WBP4: variants seen among roughly 807,000 people sequenced by gnomAD.
WBP4 encodes WW domain-binding protein 4.
In WBP4, 37 loss-of-function variants were observed where a neutral mutation model predicts 55.4. The ratio of observed to expected loss-of-function variants is 0.67; its 90% CI spans 0.51 to 0.88. WBP4 has a LOEUF of 0.88. WBP4 is among the 40% of genes least tolerant of loss of function. The pLI is 0.00. For synonymous variants in WBP4, 142 were observed against 140.2 expected, an observed-to-expected ratio of 1.01 and a Z score of -0.09; for missense variants, 398 against 420.8, an observed-to-expected ratio of 0.95 and a Z score of 0.47.
intron 8 of WBP4, among the ~76,000 whole-genome samples, chr13:41,077,915 T>G (rs1878575738): frequency 6.7e-6 from 1 of 148,738 alleles, no homozygotes; most frequent in African/African-American, 2.5e-5. Flanking sequence ...AAAAAAAAAA[T>G]CTCGGAATAC....
chr13:41,062,838 C>G (rs1566207227), intron 2 of WBP4, 122 bp downstream of exon 2: 1 of 737,712 alleles, frequency 1.4e-6, no homozygotes, highest in African/African-American at 1.8e-5. Flanking sequence ...TTCAAAACAT[C>G]AGAAGATTTC....
intron 8 of WBP4, among the ~76,000 whole-genome samples, chr13:41,079,075 A>G (rs1354926530): frequency 6.6e-6 from 1 of 152,234 alleles, no homozygotes; most frequent in Non-Finnish European, 1.5e-5. Context: ...CACAGGACTA[A>G]TATCCAGAAT....
At chr13:41,077,589 C>T (rs1878558074) in intron 8 of WBP4, among the ~76,000 whole-genome samples, 1 of 152,122 alleles carries the variant, frequency 6.6e-6, no homozygotes, top group Admixed American at 6.5e-5. Context: ...CAAGGATGCT[C>T]ACTTCAACCA....
At chr13:41,066,323 G>A (rs1260080833) in intron 4 of WBP4, among the ~76,000 whole-genome samples, 1 of 151,924 alleles carries the variant, frequency 6.6e-6, no homozygotes, top group Non-Finnish European at 1.5e-5. Flanking sequence ...TTCCAAATAG[G>A]ATACATATTC....
chr13:41,065,276 G>A lies in WBP4; in HGVS notation c.251G>A (p.Gly84Asp). The A allele has an allele frequency of 6.6e-7, 1 of 1,519,922 alleles. No individual in the cohort carries two copies. Among genetic ancestry groups the A allele is most frequent in the Non-Finnish European group, 8.9e-7 (1 of 1,126,936 alleles). 94.2% of individuals were successfully genotyped at this position (1,519,922 alleles called of 1,614,324 possible). ...KAYQEDLKRL[G>D]LESEILEPSI... ...TACCAAGAGGATTTGAAAAGACTTG[G>A]CTTAGAGTCAGGTAAAAAAAAAAAA... Residue 84 changes from glycine (G) to aspartate (D), a missense_variant, in exon 4 of 10, where the codon GGC (glycine) becomes GAC (aspartate). Coordinates refer to ENST00000379487, the MANE Select transcript of WBP4 (RefSeq NM_007187.5).
At chr13:41,066,079 C>T (rs1044221763) in intron 4 of WBP4, among the ~76,000 whole-genome samples, 1 of 152,104 alleles carries the variant, frequency 6.6e-6, no homozygotes, top group Non-Finnish European at 1.5e-5. Flanking sequence ...TTATCCTGGA[C>T]ATTGGTAATT....
intron 7 of WBP4, among the ~76,000 whole-genome samples, chr13:41,073,592 A>G (rs1878347222): frequency 6.6e-6 from 1 of 151,904 alleles, no homozygotes. Context: ...AGGCGGGCAG[A>G]TCATCTGAGG....
At chr13:41,068,159 T>G (rs1379543430) in intron 4 of WBP4, among the ~76,000 whole-genome samples, 3 of 152,168 alleles carry the variant, frequency 2.0e-5, no homozygotes, top group Non-Finnish European at 2.9e-5. Context: ...TAGTGAACGT[T>G]GTACCCAGTA....
chr13:41,082,676 TAGAG>T, intron 9 of WBP4, 24 bp from the exon 10 acceptor site: 1 of 1,609,000 alleles, frequency 6.2e-7, no homozygotes, highest in Non-Finnish European at 8.5e-7. Context: ...CCCTGTCAAA[TAGAG>T]TTTTACTTTA....
At chr13:41,076,630 A>G (rs866232611) in intron 8 of WBP4, among the ~76,000 whole-genome samples, 1 of 152,184 alleles carries the variant, frequency 6.6e-6, no homozygotes, top group Non-Finnish European at 1.5e-5. Context: ...CTGATAGAAC[A>G]TAGAAATTAA....
chr13:41,066,104 T>G (rs1225006709), intron 4 of WBP4, among the ~76,000 whole-genome samples: 1 of 152,176 alleles, frequency 6.6e-6, no homozygotes, highest in East Asian at 1.9e-4. Context: ...GGTGGGAAAG[T>G]TGTTTGGTTC....
intron 7 of WBP4, among the ~76,000 whole-genome samples, chr13:41,075,361 C>T (rs1878434045): frequency 6.6e-6 from 1 of 152,086 alleles, no homozygotes; most frequent in Admixed American, 6.6e-5. Flanking sequence ...TGTAATTTCA[C>T]TCCATGAAAA....
At chr13:41,069,544 C>G (rs1878135448) in intron 5 of WBP4, among the ~76,000 whole-genome samples, 1 of 152,006 alleles carries the variant, frequency 6.6e-6, no homozygotes, top group Non-Finnish European at 1.5e-5. Flanking sequence ...CACCTGTAGT[C>G]CCAGCTACTT....
In WBP4 at chr13:41,076,158, A is replaced by G. The variant is rs747638920; in HGVS notation, c.677A>G (p.His226Arg). 5.0e-6 allele frequency: 8 copies of G among 1,613,534 alleles called. No individual in the cohort carries two copies. The African/African-American group carries it at 9.4e-5, about 19-fold the overall frequency. The part of the protein sequence containing the change: ...TLDESKSSDS[H>R]SDSDGEQEAE... ...GATGAATCCAAATCATCAGATTCGCATAGTGATTCTGATGGGGAACAGGAA... is the reference window on the plus strand; with the variant it reads ...GATGAATCCAAATCATCAGATTCGCGTAGTGATTCTGATGGGGAACAGGAA... Residue 226 changes from histidine (H) to arginine (R), a missense_variant, in exon 8 of 10, where the codon CAT becomes CGT. Transcript: ENST00000379487.
Position 41,065,266 on chromosome 13 carries a change from A to G in WBP4, c.241A>G (p.Lys81Glu). 1 of 1,601,592 alleles carries G rather than the reference A, an allele frequency of 6.2e-7. No individual in the cohort carries two copies. The part of the protein sequence containing the change: ...AALKAYQEDL[K>E]RLGLESEILE... ...CCTGAAAGCATACCAAGAGGATTTG[A>G]AAAGACTTGGCTTAGAGTCAGGTAA... Residue 81 changes from lysine (K) to glutamate (E), a missense_variant, in exon 4 of 10, where the codon AAA becomes GAA. Transcript: ENST00000379487.
In WBP4 at chr13:41,076,164, A is replaced by G. The variant is rs1185169813; in HGVS notation, c.683A>G (p.Asp228Gly). The G allele has an allele frequency of 3.1e-6, 5 of 1,612,742 alleles. No individual in the cohort carries two copies. The highest frequency in any genetic ancestry group is 4.5e-5 in the East Asian group (2 of 44,800). The stretch of plus-strand genomic sequence containing the variant: ...TCCAAATCATCAGATTCGCATAGTG[A>G]TTCTGATGGGGAACAGGAAGCAGAA... ...DESKSSDSHSDSDGEQEAEEG... is the reference protein window; with the variant it reads ...DESKSSDSHSGSDGEQEAEEG... Residue 228 changes from aspartate to glycine, a missense_variant, in exon 8 of 10, where the codon GAT becomes GGT. Transcript: ENST00000379487.
chr13:41,072,813 T>G lies in WBP4; in HGVS notation c.518T>G (p.Leu173Ter), dbSNP rs1315048794. Residue 173 changes from leucine (L) to a stop codon, truncating the protein, a stop_gained, in exon 7 of 10, where the codon TTA (leucine) becomes TGA (stop). Transcript: ENST00000379487. LOFTEE classifies it high-confidence loss of function. The part of the protein sequence containing the change: ...TAVKTVWVEG[L>*]SEDGFTYYYN... Reference sequence around the variant, plus strand: ...GTGAAGACCGTTTGGGTAGAAGGTTTAAGTGAAGATGGTTTTACCTATTAC... The same window carrying G: ...GTGAAGACCGTTTGGGTAGAAGGTTGAAGTGAAGATGGTTTTACCTATTAC... The G allele has an allele frequency of 6.2e-7, 1 of 1,613,838 alleles. No homozygotes were observed. Among genetic ancestry groups the G allele is most frequent in the Admixed American group, 1.7e-5 (1 of 59,986 alleles).
At chr13:41,063,653 A>G (rs1409950296) in intron 2 of WBP4, among the ~76,000 whole-genome samples, 1 of 152,174 alleles carries the variant, frequency 6.6e-6, no homozygotes, top group Non-Finnish European at 1.5e-5. Context: ...AGAGTAAGTA[A>G]TCCCTTCCAG....
At position 41,062,096 on chromosome 13, in the gene WBP4, G is replaced by GTTTT. The variant is rs60658317; in HGVS notation, c.2+446_2+449dup. The GTTTT allele has an allele frequency of 4.6e-3, 3,661 of 801,340 alleles. 11 individuals carry two copies. The highest frequency in any genetic ancestry group is 5.4e-3 in the East Asian group (29 of 5,392). The allele number at this position is 801,340 out of a possible 1,614,324, so 49.6% of individuals were successfully genotyped here. A position where few individuals can be genotyped will look rare whatever the true frequency, so the allele number is the denominator to read the frequency against. On this transcript the variant is annotated intron_variant, in intron 1 of 9. Transcript: ENST00000379487. ...GCGGCCAGCCCTGGATAGCGTAATG[G>GTTTT]TTTTTTTTTTTTTTTTTTTTTTTTT...
Sources: gnomAD v4.1 joint callset for allele counts (sites outside exome capture counted in the v4.1 genomes callset) on GRCh38, gnomAD v4.1.1 for gene constraint, MANE v1.5 for transcripts, NCBI Gene and HGNC (gene_info 2026-07-23, HGNC 2026-07-21) for gene names.